Variants in PTN observed in about 807,000 individuals in gnomAD.
The protein encoded by PTN is pleiotrophin.
In PTN, 18 loss-of-function variants were observed where a neutral mutation model predicts 24.1. The observed-to-expected ratio is 0.75, with a 90% CI of 0.52 to 1.11. The LOEUF is 1.11. Among genes scored for constraint, PTN ranks in the 50% least tolerant of loss-of-function variants. The probability of loss-of-function intolerance (pLI) is 0.00; values close to 1 mark genes in which losing one functional copy is unlikely to be tolerated. For missense variants in PTN, 163 were observed against 198.8 expected, an observed-to-expected ratio of 0.82 and a Z score of 1.08; for synonymous variants, 78 against 68.6, an observed-to-expected ratio of 1.14 and a Z score of -0.67.
chr7:137,273,666 A>T (rs923728924), intron 1 of PTN, among the ~76,000 whole-genome samples: 1 of 152,212 alleles, frequency 6.6e-6, no homozygotes, highest in Admixed American at 6.5e-5. Context: ...GAAACAGTGG[A>T]TGGACCTCAA....
At chr7:137,330,390 T>C (rs1160355911) in intron 1 of PTN, among the ~76,000 whole-genome samples, 1 of 152,100 alleles carries the variant, frequency 6.6e-6, no homozygotes, top group Non-Finnish European at 1.5e-5. Context: ...CCTAAACTTT[T>C]TTCTGAACTG....
intron 4 of PTN, among the ~76,000 whole-genome samples, chr7:137,245,405 T>C (rs1442467448): frequency 2.0e-5 from 3 of 152,206 alleles, no homozygotes; most frequent in East Asian, 1.9e-4. Flanking sequence ...TGATTAACAT[T>C]GGAAGGCAGC....
At chr7:137,286,948 A>G (rs1414478287) in intron 1 of PTN, among the ~76,000 whole-genome samples, 1 of 152,226 alleles carries the variant, frequency 6.6e-6, no homozygotes, top group Non-Finnish European at 1.5e-5. Flanking sequence ...AATAGACTAT[A>G]AAATTGAAGA....
intron 1 of PTN, among the ~76,000 whole-genome samples, chr7:137,329,568 A>C (rs1229172791): frequency 6.6e-6 from 1 of 152,226 alleles, no homozygotes; most frequent in African/African-American, 2.4e-5. Context: ...TACAAAGGAC[A>C]GAGCAGAAGA....
chr7:137,285,178 C>T (rs538680884), intron 1 of PTN, among the ~76,000 whole-genome samples: 22 of 152,258 alleles, frequency 1.4e-4, no homozygotes, highest in African/African-American at 5.3e-4. Context: ...GGATTCTATA[C>T]ACTAAATTTC....
chr7:137,311,231 CAAAAAAAA>C lies in PTN; in HGVS notation c.-2+32200_-2+32207del, dbSNP rs35319700. Among the ~76,000 whole-genome samples, 172 of 101,608 alleles carry C rather than the reference CAAAAAAAA, an allele frequency of 1.7e-3. 3 individuals are homozygous for C. Among genetic ancestry groups the C allele is most frequent in the Non-Finnish European group, 2.4e-3 (116 of 47,688 alleles). The allele number at this position is 101,608 out of a possible 152,430, so 66.7% of individuals were successfully genotyped here. A position where few individuals can be genotyped will look rare whatever the true frequency, so the allele number is the denominator to read the frequency against. ...TGGGTGACAGAGGGAGACTCCATTT[CAAAAAAAA>C]AAAAAAAAAAAGAATTGAAGAGAGT... On this transcript the variant is annotated intron_variant, in intron 1 of 4. Transcript: ENST00000348225.
chr7:137,245,222 G>T (rs1808702470), intron 4 of PTN, among the ~76,000 whole-genome samples: 1 of 152,150 alleles, frequency 6.6e-6, no homozygotes, highest in Non-Finnish European at 1.5e-5. Context: ...CTGATCATAT[G>T]TTTGATTAGA....
chr7:137,309,094 T>C (rs1259724750), intron 1 of PTN, among the ~76,000 whole-genome samples: 1 of 152,182 alleles, frequency 6.6e-6, no homozygotes, highest in African/African-American at 2.4e-5. Flanking sequence ...AGGAAACTGA[T>C]GTACGGCCAT....
intron 1 of PTN, among the ~76,000 whole-genome samples, chr7:137,298,168 T>C (rs1479501025): frequency 3.3e-5 from 5 of 152,060 alleles, no homozygotes; most frequent in Non-Finnish European, 7.4e-5. Flanking sequence ...TTATTGTTTC[T>C]AATCTTGAAT....
intron 1 of PTN, among the ~76,000 whole-genome samples, chr7:137,320,949 C>T (rs936182128): frequency 6.6e-6 from 1 of 152,136 alleles, no homozygotes; most frequent in African/African-American, 2.4e-5. Flanking sequence ...TAACTTCTGG[C>T]TTTATTTTTC....
intron 1 of PTN, among the ~76,000 whole-genome samples, chr7:137,322,417 T>C (rs2128881283): frequency 6.6e-6 from 1 of 152,322 alleles, no homozygotes; most frequent in Middle Eastern, 3.4e-3. Flanking sequence ...AAAGTGTTTA[T>C]ATTTGAAACT....
intron 1 of PTN, among the ~76,000 whole-genome samples, chr7:137,280,052 T>A (rs1392443003): frequency 6.6e-6 from 1 of 152,210 alleles, no homozygotes; most frequent in Non-Finnish European, 1.5e-5. Flanking sequence ...AGATAAATTG[T>A]CAACATACAG....
At chr7:137,241,158 C>T (rs1004529606) in intron 4 of PTN, among the ~76,000 whole-genome samples, 5 of 152,120 alleles carry the variant, frequency 3.3e-5, no homozygotes, top group Admixed American at 6.6e-5. Context: ...ATCAGGAGAA[C>T]GGCAAGAGGG....
rs78377413 is a variant in PTN, at chr7:137,294,767, C to A, written c.-1-39793G>T. On this transcript the variant is annotated intron_variant, in intron 1 of 4. Transcript: ENST00000348225. ...TACGTGGAAGGCAAATAAAGATGTA[C>A]GCCATTTCCATTAGCCAAATTATTT... is the stretch of plus-strand genomic sequence containing the variant. Among the ~76,000 whole-genome samples, 1,387 of 152,208 alleles carry A rather than the reference C, an allele frequency of 9.1e-3. 26 individuals are homozygous for A. The highest frequency in any genetic ancestry group is 0.032 in the African/African-American group (1,319 of 41,540).
chr7:137,331,123 C>T (rs1791451255), intron 1 of PTN, among the ~76,000 whole-genome samples: 1 of 152,108 alleles, frequency 6.6e-6, no homozygotes, highest in Admixed American at 6.6e-5. Context: ...ACATAAAGGG[C>T]TTCCATTTAA....
At chr7:137,254,145 A>C (rs1421325134) in intron 2 of PTN, among the ~76,000 whole-genome samples, 3 of 152,026 alleles carry the variant, frequency 2.0e-5, no homozygotes, top group Non-Finnish European at 4.4e-5. Flanking sequence ...TAAAAATACA[A>C]AAATTAGCTG....
rs190424360 is a variant in PTN, at chr7:137,301,924, A to G, written c.-2+41515T>C. ...TCAAAAATTCAGGATAGTAATTAAA[A>G]CGTTAGTATATGTTCCTTAAGACTT... On this transcript the variant is annotated intron_variant, in intron 1 of 4. Transcript: ENST00000348225. Among the ~76,000 whole-genome samples, 872 of 151,912 alleles carry G rather than the reference A, an allele frequency of 5.7e-3. 3 individuals carry two copies. Among genetic ancestry groups the G allele is most frequent in the Non-Finnish European group, 8.9e-3 (601 of 67,888 alleles).
chr7:137,238,074 T>C lies in PTN; in HGVS notation c.452-9999A>G, dbSNP rs756740515. ...CTTCTACAAATATTGTTTACTCCTC[T>C]AGAAAAAGTCTTTATTATTTTATTT... On this transcript the variant is annotated intron_variant, in intron 4 of 4. Transcript: ENST00000348225. Among the ~76,000 whole-genome samples, 9 of 152,310 alleles carry C rather than the reference T, an allele frequency of 5.9e-5. 1 individual carries two copies. The Middle Eastern group carries it at 0.01, about 173-fold the overall frequency.
intron 1 of PTN, among the ~76,000 whole-genome samples, chr7:137,333,020 T>C (rs1810384221): frequency 6.6e-6 from 1 of 152,152 alleles, no homozygotes; most frequent in Non-Finnish European, 1.5e-5. Flanking sequence ...GTGTTGGAGG[T>C]GGTGCCAGAT....
Sources: gnomAD v4.1 joint callset for allele counts (sites outside exome capture counted in the v4.1 genomes callset) on GRCh38, gnomAD v4.1.1 for gene constraint, MANE v1.5 for transcripts, NCBI Gene and HGNC (gene_info 2026-07-23, HGNC 2026-07-21) for gene names.